E2F5: variants seen among roughly 807,000 people sequenced by gnomAD.
E2F5 encodes E2F transcription factor 5.
E2F5 carries 23 observed loss-of-function variants against 39.1 expected under a neutral mutation model. The ratio of observed to expected loss-of-function variants is 0.59; its 90% CI spans 0.42 to 0.83. The LOEUF is 0.83. Among genes scored for constraint, E2F5 ranks in the 40% least tolerant of loss-of-function variants. E2F5 has a pLI of 0.00. For synonymous variants in E2F5, 145 were observed against 157.8 expected, an observed-to-expected ratio of 0.92 and a Z score of 0.61; for missense variants, 365 against 406.7, an observed-to-expected ratio of 0.90 and a Z score of 0.88.
Position 85,214,009 on chromosome 8 carries a change from C to T in E2F5, c.*147C>T. 1 of 607,406 alleles carries T rather than the reference C, an allele frequency of 1.6e-6. No individual in the cohort carries two copies. Among genetic ancestry groups the T allele is most frequent in the Non-Finnish European group, 2.9e-6 (1 of 347,612 alleles). The allele number at this position is 607,406 out of a possible 1,614,324, so 37.6% of individuals were successfully genotyped here. On this transcript the variant is annotated 3_prime_UTR_variant, in exon 8 of 8. Coordinates refer to ENST00000416274, the MANE Select transcript of E2F5 (RefSeq NM_001951.4). ...TTCTTCCCTAATACTTTCTTTACTT[C>T]ACAAAACTTCAACCATAAAAACAAA...
At chr8:85,210,775 G>C (rs566382955) in intron 6 of E2F5, among the ~76,000 whole-genome samples, 1 of 152,088 alleles carries the variant, frequency 6.6e-6, no homozygotes, top group South Asian at 2.1e-4. Context: ...GGTTAGCTTA[G>C]ACATAATTAA....
chr8:85,206,345 C>A, intron 4 of E2F5, 125 bp downstream of exon 4: 1 of 903,422 alleles, frequency 1.1e-6, no homozygotes, highest in South Asian at 1.5e-5. Context: ...TGTCTCACTC[C>A]ACCATGCCGT....
At chr8:85,196,198 C>G (rs1323514196) in intron 1 of E2F5, among the ~76,000 whole-genome samples, 1 of 152,056 alleles carries the variant, frequency 6.6e-6, no homozygotes, top group Non-Finnish European at 1.5e-5. Flanking sequence ...GTTATTTATT[C>G]TTTTATATTT....
At chr8:85,205,806 A>G (rs1256912340) in intron 3 of E2F5, among the ~76,000 whole-genome samples, 1 of 152,168 alleles carries the variant, frequency 6.6e-6, no homozygotes, top group Non-Finnish European at 1.5e-5. Context: ...ACCATTTAAT[A>G]CAAGAACAAA....
chr8:85,211,256 T>C (rs1812914243), intron 6 of E2F5, among the ~76,000 whole-genome samples: 1 of 149,256 alleles, frequency 6.7e-6, no homozygotes, highest in Non-Finnish European at 1.5e-5. Context: ...AAAAATTAGC[T>C]AGGCATTGTG....
intron 1 of E2F5, among the ~76,000 whole-genome samples, chr8:85,192,411 T>G (rs1276702549): frequency 6.6e-6 from 1 of 152,128 alleles, no homozygotes; most frequent in Non-Finnish European, 1.5e-5. Context: ...ATGAAGTTTA[T>G]GTAAGGAAAA....
Position 85,209,217 on chromosome 8 carries a change from A to G in E2F5, c.691A>G (p.Lys231Glu). Residue 231 changes from lysine (K) to glutamate (E), a missense_variant, in exon 6 of 8, where the codon AAA becomes GAA. Physicochemically the swap from Lys to Glu is moderately conservative, Grantham distance 56. Coordinates refer to ENST00000416274, the MANE Select transcript of E2F5 (RefSeq NM_001951.4). ...SGPIHVLLIN[K>E]ESSSSKPVVF... ...ACCTATCCATGTGCTGCTTATAAAT[A>G]AAGAGTCGAGTTCATCTAAGCCCGT... The G allele has an allele frequency of 6.2e-7, 1 of 1,614,008 alleles. No individual in the cohort carries two copies. Among genetic ancestry groups the G allele is most frequent in the Non-Finnish European group, 8.5e-7 (1 of 1,179,896 alleles).
chr8:85,184,545 G>A lies in E2F5; in HGVS notation c.234+6891G>A, dbSNP rs374332037. 2.6e-5 allele frequency among the ~76,000 whole-genome samples: 4 copies of A among 152,124 alleles called. 1 individual carries two copies. In the East Asian group the frequency reaches 5.8e-4, roughly 22 times the overall value. On this transcript the variant is annotated intron_variant, in intron 1 of 7. Transcript: ENST00000416274. ...GTCAGGCAAGAGAAATAAATAAAGG[G>A]CATTCAAACAGGAAAAGAGGAAGTC...
At chr8:85,207,344 G>C in intron 4 of E2F5, 81 bp from the exon 5 acceptor site, 1 of 1,253,768 alleles carries the variant, frequency 8.0e-7, no homozygotes, top group East Asian at 2.6e-5. Flanking sequence ...CAAACACTCT[G>C]ATTCCAGAGC....
At chr8:85,203,503 T>G (rs1233615092) in intron 3 of E2F5, among the ~76,000 whole-genome samples, 5 of 152,150 alleles carry the variant, frequency 3.3e-5, no homozygotes, top group Non-Finnish European at 7.4e-5. Context: ...TAGCCAACTT[T>G]TGGTCTACCA....
chr8:85,193,440 G>T (rs1812512055), intron 1 of E2F5, among the ~76,000 whole-genome samples: 1 of 152,112 alleles, frequency 6.6e-6, no homozygotes. Context: ...TGGAGATCAT[G>T]CCACTGCACT....
intron 1 of E2F5, among the ~76,000 whole-genome samples, chr8:85,186,407 GT>G (rs1420729853): frequency 6.6e-6 from 1 of 151,870 alleles, no homozygotes; most frequent in Non-Finnish European, 1.5e-5. Flanking sequence ...CCTAATGTGG[GT>G]GACGAGTTGA....
chr8:85,194,857 ATTT>A (rs1812548422), intron 1 of E2F5, among the ~76,000 whole-genome samples: 2 of 151,094 alleles, frequency 1.3e-5, no homozygotes, highest in Non-Finnish European at 2.9e-5. Flanking sequence ...TATTATTATT[ATTT>A]TAATTTTTAA....
At chr8:85,186,707 G>A (rs4150863) in intron 1 of E2F5, among the ~76,000 whole-genome samples, 7,360 of 145,880 alleles carry the variant, frequency 0.05, 232 homozygotes, top group Non-Finnish European at 0.06. Context: ...GGTATATATG[G>A]TATATATAAG....
chr8:85,204,682 T>TA (rs1197134400), intron 3 of E2F5, among the ~76,000 whole-genome samples: 1 of 151,076 alleles, frequency 6.6e-6, no homozygotes, highest in African/African-American at 2.4e-5. Flanking sequence ...CCCTAAAACT[T>TA]AAAGTATAAT....
chr8:85,191,028 G>A (rs1160069882), intron 1 of E2F5, among the ~76,000 whole-genome samples: 1 of 152,088 alleles, frequency 6.6e-6, no homozygotes, highest in East Asian at 1.9e-4. Flanking sequence ...AAGGAGCACA[G>A]CCTTATCAAT....
At position 85,192,397 on chromosome 8, in the gene E2F5, A is replaced by G. The variant is rs565852160; in HGVS notation, c.235-9750A>G. Among the ~76,000 whole-genome samples the G allele has an allele frequency of 2.0e-5, 3 of 152,292 alleles. No homozygotes were observed. In the South Asian group the frequency reaches 6.2e-4, roughly 32 times the overall value. On this transcript the variant is annotated intron_variant, in intron 1 of 7. Coordinates refer to ENST00000416274, the MANE Select transcript of E2F5 (RefSeq NM_001951.4). Reference sequence around the variant, plus strand: ...TTCCTGTTTGACTTGGATATGGTTGATTTATGAAGTTTATGTAAGGAAAAT... The same window carrying G: ...TTCCTGTTTGACTTGGATATGGTTGGTTTATGAAGTTTATGTAAGGAAAAT...
intron 1 of E2F5, among the ~76,000 whole-genome samples, chr8:85,183,121 T>G (rs919374744): frequency 3.9e-5 from 6 of 152,214 alleles, no homozygotes; most frequent in African/African-American, 1.4e-4. Context: ...GTGTGATGAC[T>G]GGTGCCTGTA....
chr8:85,183,678 C>G (rs760205451), intron 1 of E2F5, among the ~76,000 whole-genome samples: 4 of 152,114 alleles, frequency 2.6e-5, no homozygotes, highest in Non-Finnish European at 5.9e-5. Flanking sequence ...ATTCCACTTA[C>G]GTGAGGTACC....
Sources: gnomAD v4.1 joint callset for allele counts (sites outside exome capture counted in the v4.1 genomes callset) on GRCh38, gnomAD v4.1.1 for gene constraint, MANE v1.5 for transcripts, NCBI Gene and HGNC (gene_info 2026-07-23, HGNC 2026-07-21) for gene names.